The following OR2AG1 variants were observed in gnomAD, a reference collection of about 807,000 sequenced individuals.
OR2AG1 encodes olfactory receptor family 2 subfamily AG member 1, also known as olfactory receptor 2AG1.
For synonymous variants in OR2AG1, 157 were observed against 155.6 expected, an observed-to-expected ratio of 1.01 and a Z score of -0.07; for missense variants, 391 against 385.9, an observed-to-expected ratio of 1.01 and a Z score of -0.11.
rs1028657699 is a variant in OR2AG1, at chr11:6,790,959, C to T, written c.*4971C>T. On this transcript the variant is annotated 3_prime_UTR_variant, in exon 2 of 2. Coordinates refer to ENST00000641258, the MANE Select transcript of OR2AG1 (RefSeq NM_001004489.3). ...ACCCTTCTGTCCATCAAGTCATCCA[C>T]AGCCTAGTTATTTCTGTCTCTGCTG... The T allele has an allele frequency of 6.6e-6, 1 of 152,212 alleles. No homozygotes were observed. The highest frequency in any genetic ancestry group is 1.5e-5 in the Non-Finnish European group (1 of 68,058). The allele number at this position is 152,212 out of a possible 1,614,324, so 9.4% of individuals were successfully genotyped here. A position where few individuals can be genotyped will look rare whatever the true frequency, so the allele number is the denominator to read the frequency against.
Position 6,789,230 on chromosome 11 carries a change from A to T in OR2AG1, c.*3242A>T, listed in dbSNP as rs1038350214. ...CAGCAACATTGATATAATTGACCTC[A>T]CCCTTCTGTTGGGAAATTTTTCTTC... On this transcript the variant is annotated 3_prime_UTR_variant, in exon 2 of 2. Transcript: ENST00000641258. 1 of 152,006 alleles carries T rather than the reference A, an allele frequency of 6.6e-6. No homozygotes were observed. Among genetic ancestry groups the T allele is most frequent in the Non-Finnish European group, 1.5e-5 (1 of 68,010 alleles). 9.4% of individuals were successfully genotyped at this position (152,006 alleles called of 1,614,324 possible).
rs990435307 is a variant in OR2AG1 at position 6,789,095 on chromosome 11, C to T, written c.*3107C>T. On this transcript the variant is annotated 3_prime_UTR_variant, in exon 2 of 2. Transcript: ENST00000641258. ...TGCTGATCTTCTATTCGCATCTTAACACACTTTCAATCAAGCTCTGGTCTC... is the reference window on the plus strand; with the variant it reads ...TGCTGATCTTCTATTCGCATCTTAATACACTTTCAATCAAGCTCTGGTCTC... 3 of 150,968 alleles carry T rather than the reference C, an allele frequency of 2.0e-5. No individual in the cohort carries two copies. Among genetic ancestry groups the T allele is most frequent in the East Asian group, 1.9e-4 (1 of 5,166 alleles). 9.4% of individuals were successfully genotyped at this position (150,968 alleles called of 1,614,324 possible).
At position 6,785,622 on chromosome 11, in the gene OR2AG1, T is replaced by C. The variant is rs1279026928; in HGVS notation, c.585T>C (p.Tyr195=). 1.2e-6 allele frequency: 2 copies of C among 1,604,974 alleles called. No homozygotes were observed. The highest frequency in any genetic ancestry group is 2.2e-5 in the East Asian group (1 of 44,840). The change falls in exon 2 of 2, where the codon TAT becomes TAC. Residue 195 remains tyrosine, a synonymous_variant. Transcript: ENST00000641258. ...TGGCCTGTGCTGATACCTCCAGATA[T>C]GAGCTCATGGTATATGTGATGGGTG... ...LKVACADTSR[Y]ELMVYVMGVT... is the part of the protein sequence containing the mutation.
At position 6,787,669 on chromosome 11, in the gene OR2AG1, GTGTGTGTGTGTGTGTATGTCTC is replaced by G. The variant is rs1847642511; in HGVS notation, c.*1695_*1716del. ...TTAACATTGTCGTGTGTGTGTGTGT[GTGTGTGTGTGTGTGTATGTCTC>G]TGTGTGTGTGTGTATGTGTGTGTGA... On this transcript the variant is annotated 3_prime_UTR_variant, in exon 2 of 2. Coordinates refer to ENST00000641258, the MANE Select transcript of OR2AG1 (RefSeq NM_001004489.3). 6.8e-6 allele frequency: 1 copy of G among 147,974 alleles called. No individual in the cohort carries two copies. The highest frequency in any genetic ancestry group is 2.6e-5 in the African/African-American group (1 of 38,084). The allele number at this position is 147,974 out of a possible 1,614,324, so 9.2% of individuals were successfully genotyped here. A position where few individuals can be genotyped will look rare whatever the true frequency, so the allele number is the denominator to read the frequency against.
rs1393241593 is a variant in OR2AG1 at position 6,791,167 on chromosome 11, G to T, written c.*5179G>T. On this transcript the variant is annotated 3_prime_UTR_variant, in exon 2 of 2. Coordinates refer to ENST00000641258, the MANE Select transcript of OR2AG1 (RefSeq NM_001004489.3). ...GTTCTCCAGTCCTTGAGGATCTGAA[G>T]GCCTATGTGTGACTGATATTTGGTG... 1 of 150,546 alleles carries T rather than the reference G, an allele frequency of 6.6e-6. No individual in the cohort carries two copies. The highest frequency in any genetic ancestry group is 2.4e-5 in the African/African-American group (1 of 41,254). 9.3% of individuals were successfully genotyped at this position (150,546 alleles called of 1,614,324 possible). A position where few individuals can be genotyped will look rare whatever the true frequency, so the allele number is the denominator to read the frequency against.
rs1847637190 is a variant in OR2AG1 at position 6,787,223 on chromosome 11, T to C, written c.*1235T>C. On this transcript the variant is annotated 3_prime_UTR_variant, in exon 2 of 2. Coordinates refer to ENST00000641258, the MANE Select transcript of OR2AG1 (RefSeq NM_001004489.3). ...GTTGATGTGTGTGTGTAAAACAGAT[T>C]TTTTTAACCTACAAGCATATAGTTA... The C allele has an allele frequency of 1.3e-5, 2 of 152,140 alleles. No individual in the cohort carries two copies. The highest frequency in any genetic ancestry group is 4.1e-4 in the South Asian group (2 of 4,830). The allele number at this position is 152,140 out of a possible 1,614,324, so 9.4% of individuals were successfully genotyped here.
chr11:6,784,295 C>T (rs1847599769), intron 1 of OR2AG1, among the ~76,000 whole-genome samples: 1 of 152,134 alleles, frequency 6.6e-6, no homozygotes, highest in African/African-American at 2.4e-5. Flanking sequence ...TAGGAAAGCC[C>T]TCATATGTTA....
rs1387437009 is a variant in OR2AG1 at position 6,785,115 on chromosome 11, G to T, written c.78G>T (p.Leu26=). 1.9e-6 allele frequency: 3 copies of T among 1,614,104 alleles called. No individual in the cohort carries two copies. In the East Asian group the frequency reaches 6.7e-5, roughly 36 times the overall value. The stretch of plus-strand genomic sequence containing the variant: ...TGAATGACAGTGGGTCTCCTGAACT[G>T]CTCTGTGCTACAATTACAATCCTAT... The part of the protein sequence containing the change: ...GILNDSGSPE[L]LCATITILYL... Residue 26 remains leucine (L), a synonymous_variant, in exon 2 of 2, where the codon CTG becomes CTT. Transcript: ENST00000641258.
chr11:6,784,911 A>G, intron 1 of OR2AG1, 107 bp from the exon 2 acceptor site: 2 of 587,788 alleles, frequency 3.4e-6, no homozygotes, highest in East Asian at 5.6e-5. Context: ...GTCAGTTATC[A>G]GTGGAAAGGG....
chr11:6,784,618 C>G (rs184731922), intron 1 of OR2AG1, among the ~76,000 whole-genome samples: 4 of 152,314 alleles, frequency 2.6e-5, no homozygotes, highest in African/African-American at 9.6e-5. Context: ...AAACCAGTCT[C>G]TGTACCTGTT....
rs750891899 is a variant in OR2AG1, at chr11:6,785,130, T to A, written c.93T>A (p.Ile31=). The change falls in exon 2 of 2, where the codon ATT becomes ATA. Residue 31 remains isoleucine, a synonymous_variant. Coordinates refer to ENST00000641258, the MANE Select transcript of OR2AG1 (RefSeq NM_001004489.3). ...SGSPELLCAT[I]TILYLLALIS... ...CTCCTGAACTGCTCTGTGCTACAATTACAATCCTATACTTGTTGGCCCTGA... is the reference window on the plus strand; with the variant it reads ...CTCCTGAACTGCTCTGTGCTACAATAACAATCCTATACTTGTTGGCCCTGA... 1 of 1,614,134 alleles carries A rather than the reference T, an allele frequency of 6.2e-7. No homozygotes were observed. Among genetic ancestry groups the A allele is most frequent in the South Asian group, 1.1e-5 (1 of 91,086 alleles).
In OR2AG1 at chr11:6,787,432, T is replaced by C. The variant is rs1847639901; in HGVS notation, c.*1444T>C. The C allele has an allele frequency of 6.6e-6, 1 of 152,176 alleles. No homozygotes were observed. Among genetic ancestry groups the C allele is most frequent in the Non-Finnish European group, 1.5e-5 (1 of 68,012 alleles). The allele number at this position is 152,176 out of a possible 1,614,324, so 9.4% of individuals were successfully genotyped here. On this transcript the variant is annotated 3_prime_UTR_variant, in exon 2 of 2. Coordinates refer to ENST00000641258, the MANE Select transcript of OR2AG1 (RefSeq NM_001004489.3). Reference sequence around the variant, plus strand: ...GTAAGTTGACATTAACAATAAGACCTACTTTGTAGTGTTGTGAGGATGAAA... The same window carrying C: ...GTAAGTTGACATTAACAATAAGACCCACTTTGTAGTGTTGTGAGGATGAAA...
At position 6,785,666 on chromosome 11, in the gene OR2AG1, CT is replaced by C; in HGVS notation, c.630del (p.Ala212LeufsTer34). On this transcript the variant is annotated frameshift_variant, in exon 2 of 2. Coordinates refer to ENST00000641258, the MANE Select transcript of OR2AG1 (RefSeq NM_001004489.3). LOFTEE classifies it low-confidence loss of function (END_TRUNC). ...YVMGVTFLIPSLAAILASYTQ... is the reference protein window; with the variant it reads ...YVMGVTFLIPXLAAILASYTQ... ...ATGGGTGTGACCTTCCTGATTCCCT[CT>C]CTTGCTGCTATACTGGCCTCCTATA... 1 of 1,614,132 alleles carries C rather than the reference CT, an allele frequency of 6.2e-7. No individual in the cohort carries two copies. Among genetic ancestry groups the C allele is most frequent in the Non-Finnish European group, 8.5e-7 (1 of 1,179,990 alleles).
intron 1 of OR2AG1, among the ~76,000 whole-genome samples, chr11:6,783,747 G>A (rs1372176528): frequency 6.6e-6 from 1 of 152,182 alleles, no homozygotes; most frequent in African/African-American, 2.4e-5. Context: ...TGCTCTGCTG[G>A]CTCCCGGTAA....
At position 6,786,069 on chromosome 11, in the gene OR2AG1, A is replaced by G. The variant is rs979301847; in HGVS notation, c.*81A>G. Reference sequence around the variant, plus strand: ...GTTATGAATCAAATACTAATGGTAAAACCAATACAGTGCAGAGTATAGCAT... The same window carrying G: ...GTTATGAATCAAATACTAATGGTAAGACCAATACAGTGCAGAGTATAGCAT... On this transcript the variant is annotated 3_prime_UTR_variant, in exon 2 of 2. Coordinates refer to ENST00000641258, the MANE Select transcript of OR2AG1 (RefSeq NM_001004489.3). 35 of 1,090,870 alleles carry G rather than the reference A, an allele frequency of 3.2e-5. No homozygotes were observed. The South Asian group carries it at 5.2e-4, about 16-fold the overall frequency. 67.6% of individuals were successfully genotyped at this position (1,090,870 alleles called of 1,614,324 possible). A position where few individuals can be genotyped will look rare whatever the true frequency, so the allele number is the denominator to read the frequency against.
chr11:6,785,634 A>G lies in OR2AG1; in HGVS notation c.597A>G (p.Val199=), dbSNP rs1847618104. 1.2e-6 allele frequency: 2 copies of G among 1,614,040 alleles called. No individual in the cohort carries two copies. The highest frequency in any genetic ancestry group is 1.7e-5 in the Admixed American group (1 of 60,012). ...ATACCTCCAGATATGAGCTCATGGT[A>G]TATGTGATGGGTGTGACCTTCCTGA... The part of the protein sequence containing the change: ...CADTSRYELM[V]YVMGVTFLIP... The change falls in exon 2 of 2, where the codon GTA becomes GTG. Residue 199 remains valine, a synonymous_variant. Transcript: ENST00000641258.
At chr11:6,784,299 T>A (rs963180370) in intron 1 of OR2AG1, among the ~76,000 whole-genome samples, 2 of 152,220 alleles carry the variant, frequency 1.3e-5, no homozygotes, top group Admixed American at 6.5e-5. Context: ...AAAGCCCTCA[T>A]ATGTTATATT....
rs886853642 is a variant in OR2AG1, at chr11:6,788,454, A to G, written c.*2466A>G. 2.0e-5 allele frequency: 3 copies of G among 152,100 alleles called. No individual in the cohort carries two copies. The highest frequency in any genetic ancestry group is 7.2e-5 in the African/African-American group (3 of 41,418). The allele number at this position is 152,100 out of a possible 1,614,324, so 9.4% of individuals were successfully genotyped here. ...TTCATCAGACATGTTCTAGTAAGCTATATTTTGGCTAACTCTTCAGTTCTA... is the reference window on the plus strand; with the variant it reads ...TTCATCAGACATGTTCTAGTAAGCTGTATTTTGGCTAACTCTTCAGTTCTA... On this transcript the variant is annotated 3_prime_UTR_variant, in exon 2 of 2. Transcript: ENST00000641258.
chr11:6,783,824 T>C (rs1188788268), intron 1 of OR2AG1, among the ~76,000 whole-genome samples: 1 of 152,232 alleles, frequency 6.6e-6, no homozygotes, highest in Non-Finnish European at 1.5e-5. Flanking sequence ...GATATGTCCA[T>C]TGCATGTTCT....
Sources: allele counts gnomAD v4.1 joint callset (sites outside exome capture counted in the v4.1 genomes callset), GRCh38; gene constraint gnomAD v4.1.1; transcripts MANE v1.5; gene names NCBI Gene and HGNC (gene_info 2026-07-23, HGNC 2026-07-21).